The following ITPRIP variants were observed in gnomAD, a reference collection of about 807,000 sequenced individuals.
ITPRIP encodes inositol 1,4,5-trisphosphate receptor-interacting protein.
A neutral mutation model predicts 35.8 loss-of-function variants in ITPRIP; 32 were observed. The observed-to-expected ratio is 0.89, with a 90% CI of 0.68 to 1.20. ITPRIP has a LOEUF of 1.20. Among genes scored for constraint, ITPRIP ranks in the 50% most tolerant of loss-of-function variants. The pLI is 0.00. For synonymous variants in ITPRIP, 358 were observed against 324.0 expected (o/e 1.11, Z -1.13); for missense variants, 653 against 735.6 (o/e 0.89, Z 1.30).
chr10:104,316,177 C>G (rs990834289), intron 1 of ITPRIP, 113 bp from the exon 2 acceptor site: 37 of 924,290 alleles, frequency 4.0e-5, no homozygotes, highest in Non-Finnish European at 5.8e-5. Flanking sequence ...GTTCTCCCAC[C>G]CAACCCATCG....
At chr10:104,319,620 T>A (rs1182017852) in intron 1 of ITPRIP, among the ~76,000 whole-genome samples, 1 of 152,128 alleles carries the variant, frequency 6.6e-6, no homozygotes, top group Non-Finnish European at 1.5e-5. Context: ...AGGCTGGCTC[T>A]GTCTGCAGCA....
In ITPRIP at chr10:104,314,358, T is replaced by A; in HGVS notation, c.*50A>T. ...GCAGATGCCACCAGGGGTGTGAACGTGAGGGATGCCCTCATCTTAGCTCGA... is the reference window on the plus strand; with the variant it reads ...GCAGATGCCACCAGGGGTGTGAACGAGAGGGATGCCCTCATCTTAGCTCGA... On this transcript the variant is annotated 3_prime_UTR_variant, in exon 2 of 2. Transcript: ENST00000337478. 6.4e-7 allele frequency: 1 copy of A among 1,558,466 alleles called. No individual in the cohort carries two copies.
chr10:104,323,679 G>C (rs887776063), intron 1 of ITPRIP: 1 of 152,302 alleles, frequency 6.6e-6, no homozygotes, highest in Non-Finnish European at 1.5e-5. Context: ...ATGGGCGGGC[G>C]GTCTGAGCCA....
intron 1 of ITPRIP, among the ~76,000 whole-genome samples, chr10:104,320,769 C>T (rs1366363562): frequency 6.6e-6 from 1 of 152,118 alleles, no homozygotes; most frequent in African/African-American, 2.4e-5. Context: ...AACTCCTGAC[C>T]TCAAGTGATC....
rs577867016 is a variant in ITPRIP, at chr10:104,313,347, C to T, written c.*1061G>A. ...CTCATCGAAGGAGTCTACTGTCTTA[C>T]AGCAGAGACTTCGCTGCAGGACGCA... On this transcript the variant is annotated 3_prime_UTR_variant, in exon 2 of 2. Coordinates refer to ENST00000337478, the MANE Select transcript of ITPRIP (RefSeq NM_001272013.2). 9.1e-6 allele frequency: 9 copies of T among 986,474 alleles called. No homozygotes were observed. The South Asian group carries it at 4.2e-4, about 46-fold the overall frequency. The allele number at this position is 986,474 out of a possible 1,614,324, so 61.1% of individuals were successfully genotyped here.
chr10:104,317,570 C>G lies in ITPRIP; in HGVS notation c.-13-1506G>C, dbSNP rs189401770. Among the ~76,000 whole-genome samples the G allele has an allele frequency of 4.0e-4, 61 of 152,180 alleles. 1 individual carries two copies. Among genetic ancestry groups the G allele is most frequent in the Non-Finnish European group, 1.6e-4 (11 of 68,034 alleles). ...ATCTGCTATTTCCACACTTGAACTA[C>G]CCCCCTCCTTGCTTGGGACCTCGAT... is the stretch of plus-strand genomic sequence containing the variant. On this transcript the variant is annotated intron_variant, in intron 1 of 1. Transcript: ENST00000337478.
intron 1 of ITPRIP, among the ~76,000 whole-genome samples, chr10:104,319,178 G>A (rs1434630087): frequency 2.6e-5 from 4 of 152,344 alleles, no homozygotes; most frequent in Non-Finnish European, 2.9e-5. Context: ...CAGCTTCTGC[G>A]CTCCCACGCT....
In ITPRIP at chr10:104,313,398, G is replaced by A. The variant is rs1380246601; in HGVS notation, c.*1010C>T. The A allele has an allele frequency of 3.0e-6, 3 of 986,078 alleles. No homozygotes were observed. The Admixed American group carries it at 1.8e-4, about 61-fold the overall frequency. 61.1% of individuals were successfully genotyped at this position (986,078 alleles called of 1,614,324 possible). On this transcript the variant is annotated 3_prime_UTR_variant, in exon 2 of 2. Transcript: ENST00000337478. Reference sequence around the variant, plus strand: ...GGGCCAGAAGAGGTTGAGAGGCTTGGCTCTGCGCACAGCCTCTGGGAGTGC... The same window carrying A: ...GGGCCAGAAGAGGTTGAGAGGCTTGACTCTGCGCACAGCCTCTGGGAGTGC...
Position 104,312,555 on chromosome 10 carries a change from T to G in ITPRIP, c.*1853A>C. 6.4e-4 allele frequency: 582 copies of G among 906,642 alleles called. No homozygotes were observed. Among genetic ancestry groups the G allele is most frequent in the East Asian group, 8.3e-4 (7 of 8,450 alleles). 56.2% of individuals were successfully genotyped at this position (906,642 alleles called of 1,614,324 possible). On this transcript the variant is annotated 3_prime_UTR_variant, in exon 2 of 2. Transcript: ENST00000337478. ...TCCAGGCTGCTGTTAGGGACACACT[T>G]GAGCTGGTTCATTCCCTGGAGTGCC...
rs2014282591 is a variant in ITPRIP, at chr10:104,338,298, A to T, written c.-66T>A. On this transcript the variant is annotated 5_prime_UTR_variant, in exon 1 of 2. Coordinates refer to ENST00000337478, the MANE Select transcript of ITPRIP (RefSeq NM_001272013.2). ...CCCGCCGCGGGAGGACGGCTCCAGC[A>T]CAGGCTTTGCGCGCAGGTCGAGGGC... is the stretch of plus-strand genomic sequence containing the variant. 6.5e-6 allele frequency: 1 copy of T among 153,092 alleles called. No individual in the cohort carries two copies. The highest frequency in any genetic ancestry group is 1.5e-5 in the Non-Finnish European group (1 of 68,348). 9.5% of individuals were successfully genotyped at this position (153,092 alleles called of 1,614,324 possible). A position where few individuals can be genotyped will look rare whatever the true frequency, so the allele number is the denominator to read the frequency against.
chr10:104,321,007 G>A (rs916672454), intron 1 of ITPRIP, among the ~76,000 whole-genome samples: 4 of 152,178 alleles, frequency 2.6e-5, no homozygotes, highest in African/African-American at 9.7e-5. Context: ...AGGAAACAGG[G>A]CATTCTGACA....
In ITPRIP at chr10:104,328,373, G is replaced by T; in HGVS notation, c.-14+9873C>A. The stretch of plus-strand genomic sequence containing the variant: ...ACCCACCTTGGGGCAGGACATGCCA[G>T]AGTTCCCAAGAGTCGTCCCCTTTCT... On this transcript the variant is annotated intron_variant, in intron 1 of 1. Coordinates refer to ENST00000337478, the MANE Select transcript of ITPRIP (RefSeq NM_001272013.2). This position sits in a 1 kb window ranked among gnomAD's most constrained non-coding sequence, Gnocchi z 4.1. 1.4e-6 allele frequency: 1 copy of T among 729,110 alleles called. No individual in the cohort carries two copies. Among genetic ancestry groups the T allele is most frequent in the Non-Finnish European group, 1.7e-6 (1 of 596,166 alleles). The allele number at this position is 729,110 out of a possible 1,614,324, so 45.2% of individuals were successfully genotyped here.
At position 104,314,519 on chromosome 10, in the gene ITPRIP, G is replaced by T; in HGVS notation, c.1533C>A (p.Ser511Arg). Residue 511 changes from serine to arginine, a missense_variant, in exon 2 of 2, where the codon AGC becomes AGA. Transcript: ENST00000337478. Reference protein sequence around the residue: ...NLFRPFVLQRSLYRKTLDSFY... With the variant: ...NLFRPFVLQRRLYRKTLDSFY... Reference sequence around the variant, plus strand: ...AGGAGTCCAGTGTCTTACGGTAAAGGCTTCGCTGCAGGACGAAGGGCCGGA... The same window carrying T: ...AGGAGTCCAGTGTCTTACGGTAAAGTCTTCGCTGCAGGACGAAGGGCCGGA... 6.2e-7 allele frequency: 1 copy of T among 1,614,196 alleles called. No individual in the cohort carries two copies. The highest frequency in any genetic ancestry group is 1.1e-5 in the South Asian group (1 of 91,086).
At position 104,333,869 on chromosome 10, in the gene ITPRIP, GACCTCCA is replaced by G. The variant is rs1478418159; in HGVS notation, c.-14+4370_-14+4376del. On this transcript the variant is annotated intron_variant, in intron 1 of 1. Transcript: ENST00000337478. The surrounding 1 kb of genome is among the most constrained non-coding windows in gnomAD (Gnocchi z 4.1). The stretch of plus-strand genomic sequence containing the variant: ...GGGGCCCAAGTCGGCAGAGAATGCA[GACCTCCA>G]ACCGACCTCTGCTGTCCTGAAGAGC... The G allele has an allele frequency of 6.6e-6, 1 of 152,612 alleles. No individual in the cohort carries two copies. The highest frequency in any genetic ancestry group is 1.5e-5 in the Non-Finnish European group (1 of 68,380). The allele number at this position is 152,612 out of a possible 1,614,324, so 9.5% of individuals were successfully genotyped here. A position where few individuals can be genotyped will look rare whatever the true frequency, so the allele number is the denominator to read the frequency against.
intron 1 of ITPRIP, among the ~76,000 whole-genome samples, chr10:104,320,757 C>T (rs1438222459): frequency 6.6e-6 from 1 of 152,038 alleles, no homozygotes; most frequent in Non-Finnish European, 1.5e-5. Flanking sequence ...AGGCTGGTCT[C>T]GAACTCCTGA....
chr10:104,320,535 ATTTTTTTTT>A (rs34369154), intron 1 of ITPRIP, among the ~76,000 whole-genome samples: 1 of 131,672 alleles, frequency 7.6e-6, no homozygotes, highest in Non-Finnish European at 1.6e-5. Context: ...TCTGCCTGTA[ATTTTTTTTT>A]TTTTTTTTTT....
In ITPRIP at chr10:104,314,469, G is replaced by C; in HGVS notation, c.1583C>G (p.Pro528Arg). 2 of 1,614,134 alleles carry C rather than the reference G, an allele frequency of 1.2e-6. No homozygotes were observed. Among genetic ancestry groups the C allele is most frequent in the Non-Finnish European group, 1.7e-6 (2 of 1,180,034 alleles). The change falls in exon 2 of 2, where the codon CCA becomes CGA. Residue 528 changes from proline (P) to arginine (R), a missense_variant. Transcript: ENST00000337478. ...TAGGGAATACTCGCTAATGAGCGCT[G>C]GGGCATTCTTGAGCATCTCATAGAA... The part of the protein sequence containing the change: ...DSFYEMLKNA[P>R]ALISEYSLHV...
At position 104,314,966 on chromosome 10, in the gene ITPRIP, G is replaced by C. The variant is rs1266691626; in HGVS notation, c.1086C>G (p.Val362=). The change falls in exon 2 of 2, where the codon GTC becomes GTG. Residue 362 remains valine, a synonymous_variant. Transcript: ENST00000337478. The stretch of plus-strand genomic sequence containing the variant: ...CAGAGGGCTCCCTGGGAAGGTGGGA[G>C]ACAAAGTACAGGTCCGAGTCATCAC... ...IQCDDSDLYF[V]SHLPREPSEG... The C allele has an allele frequency of 1.7e-5, 28 of 1,613,782 alleles. No individual in the cohort carries two copies. The highest frequency in any genetic ancestry group is 2.4e-5 in the Non-Finnish European group (28 of 1,180,038).
Position 104,314,539 on chromosome 10 carries a change from G to A in ITPRIP, c.1513C>T (p.Pro505Ser), listed in dbSNP as rs779697699. 6.8e-6 allele frequency: 11 copies of A among 1,614,212 alleles called. No homozygotes were observed. The highest frequency in any genetic ancestry group is 9.3e-6 in the Non-Finnish European group (11 of 1,180,042). The change falls in exon 2 of 2, where the codon CCC becomes TCC. Residue 505 changes from proline (P) to serine (S), a missense_variant. Pro to Ser is a moderately conservative substitution (Grantham distance 74, BLOSUM62 -1). Transcript: ENST00000337478. ...TAAAGGCTTCGCTGCAGGACGAAGG[G>A]CCGGAAGAGGTTGAGGGGCTCGGCC... ...LRAEPLNLFRPFVLQRSLYRK... is the reference protein window; with the variant it reads ...LRAEPLNLFRSFVLQRSLYRK...
Sources: gnomAD v4.1 joint callset for allele counts (sites outside exome capture counted in the v4.1 genomes callset) on GRCh38, gnomAD v4.1.1 for gene constraint, Gnocchi (gnomAD v3.1) non-coding constraint, MANE v1.5 for transcripts, NCBI Gene and HGNC (gene_info 2026-07-23, HGNC 2026-07-21) for gene names.